The following MCM3 variants were observed in gnomAD, a reference collection of about 807,000 sequenced individuals.
The protein encoded by MCM3 is minichromosome maintenance complex component 3.
A neutral mutation model predicts 91.3 loss-of-function variants in MCM3; 59 were observed. The ratio of observed to expected loss-of-function variants is 0.65; its 90% CI spans 0.52 to 0.80. The LOEUF is 0.80. Among genes scored for constraint, MCM3 ranks in the 30% least tolerant of loss-of-function variants. The pLI, the probability that MCM3 is intolerant of heterozygous loss-of-function variation, is 0.00. For missense variants in MCM3, 919 were observed against 1,035.4 expected (o/e 0.89, Z 1.54); for synonymous variants, 383 against 379.6 (o/e 1.01, Z -0.10).
chr6:52,282,718 G>A lies in MCM3; in HGVS notation c.335C>T (p.Ser112Phe). Reference protein sequence around the residue: ...LEGSFGSKHVSPRTLTSCFLS... With the variant: ...LEGSFGSKHVFPRTLTSCFLS... ...GAAGCAGGAGGTAAGAGTCCGCGGGGAGACGTGCTTGGAGCCAAAGCTGCC... is the reference window on the plus strand; with the variant it reads ...GAAGCAGGAGGTAAGAGTCCGCGGGAAGACGTGCTTGGAGCCAAAGCTGCC... The change falls in exon 3 of 17, where the codon TCC becomes TTC. Residue 112 changes from serine (S) to phenylalanine (F), a missense_variant. By Grantham distance (155) the Ser-to-Phe change is radical. Coordinates refer to ENST00000596288, the MANE Select transcript of MCM3 (RefSeq NM_002388.6). 1.9e-6 allele frequency: 3 copies of A among 1,613,988 alleles called. No homozygotes were observed. Among genetic ancestry groups the A allele is most frequent in the Non-Finnish European group, 2.5e-6 (3 of 1,180,024 alleles).
rs70977337 is a variant in MCM3, at chr6:52,267,096, C to CTTTT, written c.2073-404_2073-401dup. Among the ~76,000 whole-genome samples the CTTTT allele has an allele frequency of 7.2e-5, 8 of 111,576 alleles. No homozygotes were observed. The East Asian group carries it at 9.5e-4, about 13-fold the overall frequency. The allele number at this position is 111,576 out of a possible 152,430, so 73.2% of individuals were successfully genotyped here. On this transcript the variant is annotated intron_variant, in intron 14 of 16. Coordinates refer to ENST00000596288, the MANE Select transcript of MCM3 (RefSeq NM_002388.6). Reference sequence around the variant, plus strand: ...CCTTCTCTTTTACCCAGGGTATCTTCTTTTTTTTTTTTTTTTGAGACGGAC... The same window carrying CTTTT: ...CCTTCTCTTTTACCCAGGGTATCTTCTTTTTTTTTTTTTTTTTTTTGAGACGGAC...
chr6:52,282,221 T>C lies in MCM3; in HGVS notation c.401-46A>G, dbSNP rs377715660. 3.8e-5 allele frequency: 61 copies of C among 1,598,748 alleles called. No individual in the cohort carries two copies. The African/African-American group carries it at 6.6e-4, about 17-fold the overall frequency. ...TATATAAACTCACCCAACTAGACGA[T>C]GATACAGGTGGAACCCAAACATATG... On this transcript the variant is annotated intron_variant, in intron 3 of 16. Coordinates refer to ENST00000596288, the MANE Select transcript of MCM3 (RefSeq NM_002388.6).
chr6:52,279,924 A>G (rs1765930306), intron 4 of MCM3, among the ~76,000 whole-genome samples: 1 of 152,228 alleles, frequency 6.6e-6, no homozygotes. Flanking sequence ...ATTCACCCAA[A>G]GCCATGCATT....
At position 52,284,730 on chromosome 6, in the gene MCM3, T is replaced by C; in HGVS notation, c.-56A>G. The C allele has an allele frequency of 3.2e-6, 5 of 1,562,254 alleles. No homozygotes were observed. Among genetic ancestry groups the C allele is most frequent in the Non-Finnish European group, 3.5e-6 (4 of 1,155,678 alleles). The stretch of plus-strand genomic sequence containing the variant: ...GTCGCGTGGAGGTTCCCAGGATGAC[T>C]CCACCCCGGCGCGAAAACTTCCGAA... On this transcript the variant is annotated 5_prime_UTR_variant, in exon 1 of 17. Coordinates refer to ENST00000596288, the MANE Select transcript of MCM3 (RefSeq NM_002388.6).
At chr6:52,280,319 A>G (rs900059300) in intron 4 of MCM3, among the ~76,000 whole-genome samples, 1 of 152,242 alleles carries the variant, frequency 6.6e-6, no homozygotes, top group South Asian at 2.1e-4. Context: ...TCCTGTACGT[A>G]TATTAAAGTT....
At chr6:52,265,192 G>T in intron 16 of MCM3, 1 of 350,744 alleles carries the variant, frequency 2.9e-6, no homozygotes. Context: ...CAACCCAAAT[G>T]TCTATCATCA....
In MCM3 at chr6:52,264,715, C is replaced by A; in HGVS notation, c.2300G>T (p.Arg767Leu). The change falls in exon 17 of 17, where the codon CGC (arginine) becomes CTC (leucine). Residue 767 changes from arginine to leucine, a missense_variant. Arg to Leu is a moderately radical substitution (Grantham distance 102). Coordinates refer to ENST00000596288, the MANE Select transcript of MCM3 (RefSeq NM_002388.6). The stretch of plus-strand genomic sequence containing the variant: ...GTCCCGGTTGATGGATTCTGTGAGG[C>A]GATTCATGCCGATTGACTGCGCATG... Reference protein sequence around the residue: ...EAHAQSIGMNRLTESINRDSE... With the variant: ...EAHAQSIGMNLLTESINRDSE... The A allele has an allele frequency of 6.2e-7, 1 of 1,614,108 alleles. No homozygotes were observed. The highest frequency in any genetic ancestry group is 2.2e-5 in the East Asian group (1 of 44,876).
intron 6 of MCM3, 94 bp downstream of exon 6, chr6:52,278,648 C>A: frequency 1.3e-6 from 1 of 764,194 alleles, no homozygotes; most frequent in Non-Finnish European, 2.1e-6. Flanking sequence ...AAACCTCAAC[C>A]CTTCCTTCTG....
rs945824709 is a variant in MCM3 at position 52,273,423 on chromosome 6, T to C, written c.1550-67A>G. The C allele has an allele frequency of 5.8e-6, 9 of 1,544,676 alleles. No homozygotes were observed. In the African/African-American group the frequency reaches 1.2e-4, roughly 21 times the overall value. ...TTAACCCAGGGGAAATTGCTTCTTC[T>C]ATAGCACAAGAAGGGGAGACACCAA... On this transcript the variant is annotated intron_variant, in intron 10 of 16. Transcript: ENST00000596288.
chr6:52,282,255 T>C (rs1355472963), intron 3 of MCM3, 80 bp from the exon 4 acceptor site: 4 of 1,294,042 alleles, frequency 3.1e-6, no homozygotes, highest in Non-Finnish European at 4.5e-6. Flanking sequence ...TGCAAGCCTA[T>C]AATGACTCCA....
At position 52,284,556 on chromosome 6, in the gene MCM3, G is replaced by A. The variant is rs767949102; in HGVS notation, c.78+41C>T. The A allele has an allele frequency of 1.1e-5, 17 of 1,555,938 alleles. No individual in the cohort carries two copies. In the African/African-American group the frequency reaches 1.5e-4, roughly 14 times the overall value. On this transcript the variant is annotated intron_variant, in intron 1 of 16. Transcript: ENST00000596288. ...TTCCCGGCCGGGCCGCGTCCGCAGG[G>A]GCTCCGAGCGCTAGAGCCCGCGCGC...
chr6:52,268,120 C>G (rs1449698334), intron 13 of MCM3, 152 bp from the exon 14 acceptor site: 5 of 1,018,884 alleles, frequency 4.9e-6, no homozygotes, highest in Non-Finnish European at 4.4e-6. Context: ...GTCCCAGGAC[C>G]AGGGGCAGAA....
At chr6:52,282,237 C>T in intron 3 of MCM3, 62 bp from the exon 4 acceptor site, 1 of 1,463,324 alleles carries the variant, frequency 6.8e-7, no homozygotes, top group Non-Finnish European at 9.6e-7. Context: ...AGGTGGAACC[C>T]AAACATATGC....
chr6:52,272,007 T>C lies in MCM3; in HGVS notation c.1827+294A>G, dbSNP rs566402725. 1.6e-3 allele frequency among the ~76,000 whole-genome samples: 246 copies of C among 152,342 alleles called. 1 individual carries two copies. The highest frequency in any genetic ancestry group is 5.6e-3 in the African/African-American group (234 of 41,576). On this transcript the variant is annotated intron_variant, in intron 12 of 16. Coordinates refer to ENST00000596288, the MANE Select transcript of MCM3 (RefSeq NM_002388.6). ...AAAAGAGTGTTTATTAATTTTACAT[T>C]GCTTGTAAGAGGAAAGACTAGGTCA...
At chr6:52,276,532 G>A (rs1273495317) in intron 8 of MCM3, 56 bp from the exon 9 acceptor site, 2 of 1,408,606 alleles carry the variant, frequency 1.4e-6, no homozygotes, top group South Asian at 1.2e-5. Context: ...GGGGCCAGAA[G>A]GGAAGGATTT....
Position 52,282,531 on chromosome 6 carries a change from C to T in MCM3, c.400+122G>A, listed in dbSNP as rs1766193700. 7.2e-6 allele frequency: 6 copies of T among 829,054 alleles called. No individual in the cohort carries two copies. In the African/African-American group the frequency reaches 1.0e-4, roughly 14 times the overall value. The allele number at this position is 829,054 out of a possible 1,614,324, so 51.4% of individuals were successfully genotyped here. A position where few individuals can be genotyped will look rare whatever the true frequency, so the allele number is the denominator to read the frequency against. ...TACACACTGAGCCCTCCAAGTTTTA[C>T]CACGTAATTCCAATGCTCCACCTCT... On this transcript the variant is annotated intron_variant, in intron 3 of 16. Transcript: ENST00000596288.
chr6:52,276,419 A>G lies in MCM3; in HGVS notation c.1223T>C (p.Ile408Thr). Residue 408 changes from isoleucine (I) to threonine (T), a missense_variant, in exon 9 of 17, where the codon ATT becomes ACT. Ile to Thr is a moderately conservative substitution (Grantham distance 89). Coordinates refer to ENST00000596288, the MANE Select transcript of MCM3 (RefSeq NM_002388.6). ...GTCAGACATTTTGTCAAATTCATCA[A>G]TGCAAACCACGCCTCGGTCAGCCAG... ...MVLADRGVVC[I>T]DEFDKMSDMD... 6.2e-7 allele frequency: 1 copy of G among 1,614,180 alleles called. No homozygotes were observed. The highest frequency in any genetic ancestry group is 8.5e-7 in the Non-Finnish European group (1 of 1,180,022).
chr6:52,281,221 C>A (rs908823369), intron 4 of MCM3, among the ~76,000 whole-genome samples: 2 of 152,198 alleles, frequency 1.3e-5, no homozygotes, highest in Admixed American at 1.3e-4. Flanking sequence ...AAACCCGCAA[C>A]AAAATATTTG....
chr6:52,267,726 A>T (rs546851030), intron 14 of MCM3, 139 bp downstream of exon 14: 7 of 647,702 alleles, frequency 1.1e-5, no homozygotes, highest in Admixed American at 2.4e-5. Context: ...CAGTTTTGCC[A>T]TATTTCCCAG....
Sources: allele counts gnomAD v4.1 joint callset (sites outside exome capture counted in the v4.1 genomes callset), GRCh38; gene constraint gnomAD v4.1.1; transcripts MANE v1.5; gene names NCBI Gene and HGNC (gene_info 2026-07-23, HGNC 2026-07-21).